LARP4: variants seen among roughly 807,000 people sequenced by gnomAD.
LARP4 encodes La ribonucleoprotein 4, also known as la-related protein 4.
LARP4 carries 29 observed loss-of-function variants against 92.9 expected under a neutral mutation model. That is an observed-to-expected ratio of 0.31 (90% CI 0.23 to 0.43). LARP4 has a LOEUF of 0.43. Among genes scored for constraint, LARP4 ranks in the 20% least tolerant of loss-of-function variants. LARP4 has a pLI of 1.00. For missense variants in LARP4, 732 were observed against 860.0 expected (o/e 0.85, Z 1.86); for synonymous variants, 279 against 284.1 (o/e 0.98, Z 0.18).
At chr12:50,451,015 G>T (rs771157436) in intron 8 of LARP4, among the ~76,000 whole-genome samples, 3 of 152,178 alleles carry the variant, frequency 2.0e-5, no homozygotes. Flanking sequence ...GAATAGTCAC[G>T]TGGGTATATT....
intron 1 of LARP4, among the ~76,000 whole-genome samples, chr12:50,404,873 A>C (rs1760471586): frequency 6.6e-6 from 1 of 151,736 alleles, no homozygotes; most frequent in South Asian, 2.1e-4. Context: ...TATTTTTAGT[A>C]GAGATGGGGT....
chr12:50,445,728 A>G (rs1410141006), intron 8 of LARP4, among the ~76,000 whole-genome samples: 1 of 152,182 alleles, frequency 6.6e-6, no homozygotes, highest in Non-Finnish European at 1.5e-5. Flanking sequence ...AGGACTGTCC[A>G]GTGAATATTT....
chr12:50,470,061 A>G (rs1199313044), intron 13 of LARP4, among the ~76,000 whole-genome samples: 1 of 151,226 alleles, frequency 6.6e-6, no homozygotes, highest in Non-Finnish European at 1.5e-5. Flanking sequence ...CTGTACATAA[A>G]GTAAAAAAAA....
intron 10 of LARP4, among the ~76,000 whole-genome samples, chr12:50,456,318 T>C (rs1954232480): frequency 6.6e-6 from 1 of 152,172 alleles, no homozygotes; most frequent in Non-Finnish European, 1.5e-5. Flanking sequence ...TGTGTACAGT[T>C]CTTTTCCATA....
chr12:50,430,189 C>A (rs551318042), intron 3 of LARP4, among the ~76,000 whole-genome samples: 2 of 152,166 alleles, frequency 1.3e-5, no homozygotes, highest in Admixed American at 6.5e-5. Context: ...GAGAGCCTGT[C>A]TCTACAAAAA....
intron 4 of LARP4, among the ~76,000 whole-genome samples, chr12:50,434,397 TA>T (rs1276617077): frequency 6.6e-6 from 1 of 150,838 alleles, no homozygotes; most frequent in African/African-American, 2.4e-5. Flanking sequence ...ATTAAATATA[TA>T]TTTTTTATTT....
chr12:50,471,754 C>T (rs1025191821), intron 13 of LARP4, among the ~76,000 whole-genome samples: 13 of 152,152 alleles, frequency 8.5e-5, no homozygotes, highest in African/African-American at 3.1e-4. Flanking sequence ...AACTCCTGAC[C>T]TCAGATGATC....
rs901472866 is a variant in LARP4, at chr12:50,453,248, T to G, written c.805-212T>G. On this transcript the variant is annotated intron_variant, in intron 8 of 15. Transcript: ENST00000398473. Reference sequence around the variant, plus strand: ...GTGTGTTTGTGTGTGGCGGGGGGGGTTTTACCTTGTTTACTATGGTTTTTA... The same window carrying G: ...GTGTGTTTGTGTGTGGCGGGGGGGGGTTTACCTTGTTTACTATGGTTTTTA... 4.1e-3 allele frequency among the ~76,000 whole-genome samples: 604 copies of G among 147,280 alleles called. 5 individuals are homozygous for G. Among genetic ancestry groups the G allele is most frequent in the African/African-American group, 0.012 (495 of 40,098 alleles).
chr12:50,446,821 C>A (rs930020048), intron 8 of LARP4, among the ~76,000 whole-genome samples: 1 of 152,020 alleles, frequency 6.6e-6, no homozygotes, highest in Admixed American at 6.6e-5. Flanking sequence ...TATGACATTA[C>A]TTAGGTAAAA....
intron 13 of LARP4, among the ~76,000 whole-genome samples, chr12:50,471,246 G>A (rs371532958): frequency 2.0e-5 from 3 of 152,284 alleles, no homozygotes; most frequent in South Asian, 4.1e-4. Context: ...CAACCCTTGC[G>A]CTAGGTGATA....
chr12:50,427,785 T>C lies in LARP4; in HGVS notation c.42T>C (p.Gly14=). 6.3e-7 allele frequency: 1 copy of C among 1,596,076 alleles called. No individual in the cohort carries two copies. The highest frequency in any genetic ancestry group is 8.6e-7 in the Non-Finnish European group (1 of 1,168,462). Residue 14 remains glycine, a synonymous_variant, in exon 2 of 16, where the codon GGT becomes GGC. Coordinates refer to ENST00000398473, the MANE Select transcript of LARP4 (RefSeq NM_052879.5). The stretch of plus-strand genomic sequence containing the variant: ...AGCAGGTAGCATCTAAAGGAACTGG[T>C]TTAAATCCTAATGCCAAAGTATGGC... ...FVEQVASKGT[G]LNPNAKVWQE... is the part of the protein sequence containing the mutation.
chr12:50,437,464 T>G (rs1950602776), intron 5 of LARP4, among the ~76,000 whole-genome samples: 1 of 152,194 alleles, frequency 6.6e-6, no homozygotes, highest in Non-Finnish European at 1.5e-5. Flanking sequence ...AGATATATGT[T>G]GTATGCTCCC....
intron 1 of LARP4, among the ~76,000 whole-genome samples, chr12:50,425,948 CTTCT>C (rs1293722502): frequency 6.6e-6 from 1 of 152,104 alleles, no homozygotes; most frequent in Non-Finnish European, 1.5e-5. Flanking sequence ...CAAATAGAGG[CTTCT>C]TTCTTCCGTT....
chr12:50,411,303 T>C (rs1945846829), intron 1 of LARP4, among the ~76,000 whole-genome samples: 1 of 151,892 alleles, frequency 6.6e-6, no homozygotes, highest in East Asian at 1.9e-4. Context: ...CTCCTCTGCC[T>C]CCTAAGTAGC....
At chr12:50,425,623 A>T (rs912587043) in intron 1 of LARP4, among the ~76,000 whole-genome samples, 5 of 152,122 alleles carry the variant, frequency 3.3e-5, no homozygotes, top group Non-Finnish European at 7.4e-5. Context: ...CAGCATCTTC[A>T]TCATCTCTTA....
intron 1 of LARP4, among the ~76,000 whole-genome samples, chr12:50,413,379 T>C (rs1946243615): frequency 6.6e-6 from 1 of 152,198 alleles, no homozygotes. Flanking sequence ...GTGTGGATAC[T>C]ATCATACACA....
chr12:50,434,018 G>C (rs1052044455), intron 4 of LARP4, among the ~76,000 whole-genome samples: 7 of 152,154 alleles, frequency 4.6e-5, no homozygotes, highest in African/African-American at 1.7e-4. Context: ...ATACATTATT[G>C]ATTGAACAGC....
intron 8 of LARP4, among the ~76,000 whole-genome samples, chr12:50,443,324 G>A (rs148536441): frequency 3.3e-5 from 5 of 152,210 alleles, no homozygotes; most frequent in Non-Finnish European, 7.4e-5. Flanking sequence ...AGGCTCGAGT[G>A]CAGGGGCATG....
chr12:50,462,383 G>A (rs1196486601), intron 11 of LARP4, among the ~76,000 whole-genome samples, 199 bp from the exon 12 acceptor site: 1 of 151,868 alleles, frequency 6.6e-6, no homozygotes. Context: ...AGCAGGCTGA[G>A]GCAGGAGAAT....
Sources: allele counts gnomAD v4.1 joint callset (sites outside exome capture counted in the v4.1 genomes callset), GRCh38; gene constraint gnomAD v4.1.1; transcripts MANE v1.5; gene names NCBI Gene and HGNC (gene_info 2026-07-23, HGNC 2026-07-21).